LRRC34: variants seen among roughly 807,000 people sequenced by gnomAD.
The protein encoded by LRRC34 is leucine-rich repeat-containing protein 34.
Under a neutral mutation model 48.5 loss-of-function variants are expected in LRRC34, and 44 were observed. The observed-to-expected ratio is 0.91, with a 90% CI of 0.71 to 1.17. The LOEUF (loss-of-function observed/expected upper bound fraction) is 1.17, where lower values mean the gene tolerates loss of function less well. Among genes scored for constraint, LRRC34 ranks in the 50% most tolerant of loss-of-function variants. LRRC34 has a pLI of 0.00. For missense variants in LRRC34, 502 were observed against 563.0 expected (o/e 0.89, Z 1.10); for synonymous variants, 192 against 197.6 (o/e 0.97, Z 0.24).
chr3:169,804,463 T>C (rs1456350620), intron 5 of LRRC34, among the ~76,000 whole-genome samples: 1 of 152,134 alleles, frequency 6.6e-6, no homozygotes, highest in Non-Finnish European at 1.5e-5. Flanking sequence ...GCCTGGCTAA[T>C]TTTTTTCTGT....
Position 169,795,513 on chromosome 3 carries a change from C to A in LRRC34, c.1163G>T (p.Gly388Val), listed in dbSNP as rs776650768. The A allele has an allele frequency of 6.2e-7, 1 of 1,611,858 alleles. No individual in the cohort carries two copies. The highest frequency in any genetic ancestry group is 2.2e-5 in the East Asian group (1 of 44,728). The change falls in exon 10 of 11, where the codon GGA becomes GTA. Residue 388 changes from glycine to valine, a missense_variant. Gly to Val is a moderately radical substitution (Grantham distance 109, BLOSUM62 -3). Coordinates refer to ENST00000446859, the MANE Select transcript of LRRC34 (RefSeq NM_001172779.2). Reference sequence around the variant, plus strand: ...ACACGTAGCCTCATCAAATTTGTTTCCCCAAATGTAGATATGAGAGAAAGT... The same window carrying A: ...ACACGTAGCCTCATCAAATTTGTTTACCCAAATGTAGATATGAGAGAAAGT... ...NLTFSHIYIWGNKFDEATCIA... is the reference protein window; with the variant it reads ...NLTFSHIYIWVNKFDEATCIA...
chr3:169,807,266 T>C (rs538433652), intron 4 of LRRC34, among the ~76,000 whole-genome samples, 160 bp downstream of exon 4: 18 of 152,312 alleles, frequency 1.2e-4, no homozygotes, highest in African/African-American at 4.3e-4. Context: ...ACTGGCTCCA[T>C]TGAGACCAAA....
At chr3:169,795,663 TA>T in intron 9 of LRRC34, 52 bp from the exon 10 acceptor site, 1 of 1,581,814 alleles carries the variant, frequency 6.3e-7, no homozygotes, top group Non-Finnish European at 8.6e-7. Context: ...CAACATTTAT[TA>T]CAAACACTTT....
intron 7 of LRRC34, among the ~76,000 whole-genome samples, chr3:169,799,822 C>T (rs868482863): frequency 1.3e-5 from 2 of 152,166 alleles, no homozygotes; most frequent in African/African-American, 4.8e-5. Context: ...AAGCGATTCT[C>T]CTGCCTCAGC....
chr3:169,797,762 T>C (rs933834997), intron 7 of LRRC34, among the ~76,000 whole-genome samples: 1 of 152,234 alleles, frequency 6.6e-6, no homozygotes, highest in African/African-American at 2.4e-5. Flanking sequence ...AGAAAGTACA[T>C]GAGCTTTATA....
chr3:169,812,643 G>A lies in LRRC34; in HGVS notation c.-95C>T. On this transcript the variant is annotated 5_prime_UTR_variant, in exon 1 of 11. Transcript: ENST00000446859. This position sits in a 1 kb window ranked among gnomAD's most constrained non-coding sequence, Gnocchi z 4.3. The stretch of plus-strand genomic sequence containing the variant: ...GCTTCGAGTCCCGCTGGCTGTGCCT[G>A]CCCGGGCCCTGAGGCCTCACTGCTA... 5.7e-6 allele frequency: 8 copies of A among 1,394,648 alleles called. No individual in the cohort carries two copies. Among genetic ancestry groups the A allele is most frequent in the Non-Finnish European group, 6.5e-6 (7 of 1,079,246 alleles). The allele number at this position is 1,394,648 out of a possible 1,614,324, so 86.4% of individuals were successfully genotyped here.
intron 1 of LRRC34, among the ~76,000 whole-genome samples, chr3:169,809,839 C>T (rs898729343): frequency 6.6e-6 from 1 of 151,858 alleles, no homozygotes; most frequent in Non-Finnish European, 1.5e-5. Context: ...ATCTGCAGAA[C>T]GAGATTTAAC....
intron 7 of LRRC34, among the ~76,000 whole-genome samples, chr3:169,799,499 C>CAAAA (rs1405195059): frequency 6.6e-6 from 1 of 151,842 alleles, no homozygotes; most frequent in East Asian, 2.0e-4. Context: ...ACCAAAAATA[C>CAAAA]AAAAAAATTT....
At position 169,796,312 on chromosome 3, in the gene LRRC34, A is replaced by G. The variant is rs141628545; in HGVS notation, c.966T>C (p.Thr322=). The G allele has an allele frequency of 1.4e-5, 23 of 1,611,930 alleles. No individual in the cohort carries two copies. The African/African-American group carries it at 1.5e-4, about 10-fold the overall frequency. ...VYLADVLKSN[T]TLEVIDLSFN... ...AGGAAAGATCTATTACTTCCAGGGT[A>G]GTGTTGCTTTTCAGTACATCAGCCA... Residue 322 remains threonine, a synonymous_variant, in exon 9 of 11, where the codon ACT becomes ACC. Transcript: ENST00000446859.
chr3:169,811,918 AG>A (rs1779589425), intron 1 of LRRC34, among the ~76,000 whole-genome samples: 1 of 152,176 alleles, frequency 6.6e-6, no homozygotes, highest in African/African-American at 2.4e-5. Context: ...AATGGCGGGT[AG>A]GGGGTGGCCG....
rs1778977935 is a variant in LRRC34, at chr3:169,796,143, TAAG to T, written c.1064+68_1064+70del. On this transcript the variant is annotated intron_variant, in intron 9 of 10. Transcript: ENST00000446859. ...CATATTTCATTATAATCTTAAGAGTTAAGGGGATTGAGGTTAGTATTTAAAAAT... is the reference window on the plus strand; with the variant it reads ...CATATTTCATTATAATCTTAAGAGTTGGGATTGAGGTTAGTATTTAAAAAT... The T allele has an allele frequency of 2.0e-6, 3 of 1,501,956 alleles. No homozygotes were observed. The African/African-American group carries it at 4.3e-5, about 22-fold the overall frequency. The allele number at this position is 1,501,956 out of a possible 1,614,324, so 93.0% of individuals were successfully genotyped here.
At position 169,812,243 on chromosome 3, in the gene LRRC34, TC is replaced by T. The variant is rs1366598985; in HGVS notation, c.139+166del. ...CGGGGACTCTTCTCCTGCCCTCGTT[TC>T]TGGGCGCCCCAAACCTCTGGCCACA... On this transcript the variant is annotated intron_variant, in intron 1 of 10. Coordinates refer to ENST00000446859, the MANE Select transcript of LRRC34 (RefSeq NM_001172779.2). The surrounding 1 kb of genome is among the most constrained non-coding windows in gnomAD (Gnocchi z 4.3). 6.6e-6 allele frequency among the ~76,000 whole-genome samples: 1 copy of T among 152,034 alleles called. No homozygotes were observed. Among genetic ancestry groups the T allele is most frequent in the African/African-American group, 2.4e-5 (1 of 41,416 alleles).
At chr3:169,799,749 G>C (rs1779125278) in intron 7 of LRRC34, among the ~76,000 whole-genome samples, 1 of 152,212 alleles carries the variant, frequency 6.6e-6, no homozygotes, top group African/African-American at 2.4e-5. Flanking sequence ...GTCTCGCTCT[G>C]TCGCCCACGC....
Position 169,799,762 on chromosome 3 carries a change from G to A in LRRC34, c.753+897C>T, listed in dbSNP as rs531785775. 9.1e-4 allele frequency among the ~76,000 whole-genome samples: 138 copies of A among 152,324 alleles called. 1 individual carries two copies. The highest frequency in any genetic ancestry group is 3.2e-3 in the African/African-American group (134 of 41,582). ...AAGTCTCGCTCTGTCGCCCACGCTG[G>A]AGTGCAGTGGTGCAATCTCGGCTCA... On this transcript the variant is annotated intron_variant, in intron 7 of 10. Coordinates refer to ENST00000446859, the MANE Select transcript of LRRC34 (RefSeq NM_001172779.2).
At chr3:169,811,486 T>C (rs1233663157) in intron 1 of LRRC34, among the ~76,000 whole-genome samples, 2 of 152,240 alleles carry the variant, frequency 1.3e-5, no homozygotes, top group Non-Finnish European at 2.9e-5. Flanking sequence ...TATATTGTAT[T>C]CATATTAGAA....
intron 1 of LRRC34, among the ~76,000 whole-genome samples, chr3:169,809,693 A>T (rs1482707043): frequency 1.3e-5 from 2 of 152,138 alleles, no homozygotes; most frequent in Non-Finnish European, 2.9e-5. Context: ...TCTTTTAAAA[A>T]TTTGTGCACA....
intron 6 of LRRC34, among the ~76,000 whole-genome samples, chr3:169,801,421 A>G (rs1779187217): frequency 6.6e-6 from 1 of 151,482 alleles, no homozygotes; most frequent in South Asian, 2.1e-4. Flanking sequence ...AGTCCTCCTC[A>G]CCTCTCACCT....
intron 3 of LRRC34, 25 bp downstream of exon 3, chr3:169,807,563 G>A (rs1467284410): frequency 6.2e-7 from 1 of 1,611,844 alleles, no homozygotes; most frequent in South Asian, 1.1e-5. Context: ...AAAAGCAGGA[G>A]GTATTGATTC....
intron 9 of LRRC34, 167 bp from the exon 10 acceptor site, chr3:169,795,778 C>T (rs115486395): frequency 1.4e-5 from 18 of 1,326,752 alleles, no homozygotes; most frequent in Non-Finnish European, 1.5e-5. Context: ...CTAATTAGAT[C>T]CTTAAGGTAC....
Sources: allele counts gnomAD v4.1 joint callset (sites outside exome capture counted in the v4.1 genomes callset), GRCh38; gene constraint gnomAD v4.1.1; non-coding constraint Gnocchi (gnomAD v3.1); transcripts MANE v1.5; gene names NCBI Gene and HGNC (gene_info 2026-07-23, HGNC 2026-07-21).